The following IFT56 variants were observed in gnomAD, a reference collection of about 807,000 sequenced individuals.
IFT56 encodes intraflagellar transport protein 56.
chr7:139,164,615 T>C, the IFT56 span, among the ~76,000 whole-genome samples: 3 of 152,194 alleles, frequency 2.0e-5, no homozygotes, highest in African/African-American at 7.2e-5. Flanking sequence ...TATGCATCAA[T>C]AGAGCTTCAA....
the IFT56 span, chr7:139,147,377 T>A: frequency 8.9e-7 from 1 of 1,128,622 alleles, no homozygotes; most frequent in Non-Finnish European, 1.3e-6. Context: ...GTCCTCTGGA[T>A]CTAGTACCAC....
chr7:139,170,143 C>T, the IFT56 span, among the ~76,000 whole-genome samples: 1 of 152,110 alleles, frequency 6.6e-6, no homozygotes, highest in Non-Finnish European at 1.5e-5. Context: ...CACATACAAC[C>T]AACCAAGATT....
chr7:139,157,014 C>T, the IFT56 span, among the ~76,000 whole-genome samples: 1 of 152,062 alleles, frequency 6.6e-6, no homozygotes, highest in Non-Finnish European at 1.5e-5. Flanking sequence ...AAAAACAAAC[C>T]TGTCAGGATT....
chr7:139,136,831 G>A, the IFT56 span, among the ~76,000 whole-genome samples: 1 of 152,278 alleles, frequency 6.6e-6, no homozygotes, highest in Admixed American at 6.5e-5. Context: ...CTGCTGCATG[G>A]GAATGGAAAC....
At chr7:139,181,240 A>G in the IFT56 span, 13 of 1,445,560 alleles carry the variant, frequency 9.0e-6, no homozygotes, top group Non-Finnish European at 1.3e-5. Context: ...AAGATTCATT[A>G]TCACATTGCT....
the IFT56 span, among the ~76,000 whole-genome samples, chr7:139,176,695 A>G: frequency 1.3e-5 from 2 of 152,258 alleles, no homozygotes; most frequent in Non-Finnish European, 2.9e-5. Context: ...TGAAAATTAA[A>G]TATTTTTATC....
At chr7:139,134,793 G>A in the IFT56 span, 3 of 1,612,458 alleles carry the variant, frequency 1.9e-6, no homozygotes, top group Non-Finnish European at 8.5e-7. Context: ...CCTGTTGGAG[G>A]TAATGCCCAA....
chr7:139,156,871 G>A, the IFT56 span, among the ~76,000 whole-genome samples: 1 of 152,034 alleles, frequency 6.6e-6, no homozygotes, highest in African/African-American at 2.4e-5. Flanking sequence ...CTACAGATTT[G>A]TAATCAAGTT....
chr7:139,161,714 C>T, the IFT56 span, among the ~76,000 whole-genome samples: 1 of 152,136 alleles, frequency 6.6e-6, no homozygotes, highest in African/African-American at 2.4e-5. Context: ...TTTAGACTCC[C>T]CTTCTCTTTA....
At chr7:139,169,819 T>C in the IFT56 span, among the ~76,000 whole-genome samples, 1 of 152,136 alleles carries the variant, frequency 6.6e-6, no homozygotes, top group African/African-American at 2.4e-5. Flanking sequence ...AGGACCAGCC[T>C]GGGCAACATA....
chr7:139,173,824 T>G, the IFT56 span: 25 of 724,642 alleles, frequency 3.4e-5, no homozygotes, highest in Middle Eastern at 4.9e-4. Flanking sequence ...CAATCATCCT[T>G]CTGCTGCTTC....
At chr7:139,149,536 C>T in the IFT56 span, among the ~76,000 whole-genome samples, 1 of 152,060 alleles carries the variant, frequency 6.6e-6, no homozygotes, top group Non-Finnish European at 1.5e-5. Context: ...ATTTGTTCCA[C>T]ATGCCATGCT....
chr7:139,172,716 GT>G, the IFT56 span: 80 of 625,230 alleles, frequency 1.3e-4, no homozygotes, highest in Non-Finnish European at 2.1e-4. Context: ...CGCAGCAAAT[GT>G]TATACCCCAT....
the IFT56 span, among the ~76,000 whole-genome samples, chr7:139,171,785 A>T: frequency 6.6e-6 from 1 of 152,198 alleles, no homozygotes; most frequent in African/African-American, 2.4e-5. Flanking sequence ...GTGGGCAAAG[A>T]CTTCTTTTTA....
chr7:139,172,943 C>T, the IFT56 span: 5 of 723,784 alleles, frequency 6.9e-6, no homozygotes, highest in African/African-American at 1.7e-5. Flanking sequence ...GTTATACTGG[C>T]GGATGTGTCC....
At chr7:139,134,532 T>C in the IFT56 span, 6 of 1,103,470 alleles carry the variant, frequency 5.4e-6, no homozygotes, top group Admixed American at 5.7e-5. Context: ...CCTCTCAAAG[T>C]GCTGGGATTA....
the IFT56 span, chr7:139,139,898 A>C: frequency 6.2e-7 from 1 of 1,609,618 alleles, no homozygotes; most frequent in Admixed American, 1.7e-5. Flanking sequence ...AGGAATACGA[A>C]AATGCTACAA....
chr7:139,135,920 T>TA, the IFT56 span, among the ~76,000 whole-genome samples: 1 of 151,924 alleles, frequency 6.6e-6, no homozygotes, highest in Non-Finnish European at 1.5e-5. Context: ...ACTTTCTTTT[T>TA]TTTTTCTTTT....
chr7:139,189,972 T>C, the IFT56 span: 1 of 152,382 alleles, frequency 6.6e-6, no homozygotes, highest in African/African-American at 2.4e-5. Context: ...CAGTCATTAA[T>C]AGGATAGATT....
Sources: gnomAD v4.1 joint callset for allele counts (sites outside exome capture counted in the v4.1 genomes callset) on GRCh38, gnomAD v4.1.1 for gene constraint, MANE v1.5 for transcripts, NCBI Gene and HGNC (gene_info 2026-07-23, HGNC 2026-07-21) for gene names.